Variants in GUCY2D observed in about 807,000 individuals in gnomAD.
GUCY2D encodes the protein retinal guanylyl cyclase 1.
In GUCY2D, 70 loss-of-function variants were observed where a neutral mutation model predicts 101.3. That is an observed-to-expected ratio of 0.69 (90% confidence interval 0.57 to 0.84). The LOEUF is 0.84. Among genes scored for constraint, GUCY2D ranks in the 40% least tolerant of loss-of-function variants. The pLI, the probability that GUCY2D is intolerant of heterozygous loss-of-function variation, is 0.00. For synonymous variants in GUCY2D, 688 were observed against 670.7 expected (o/e 1.03, Z -0.40); for missense variants, 1,460 against 1,542.5 (o/e 0.95, Z 0.90).
intron 8 of GUCY2D, 118 bp downstream of exon 8, chr17:8,009,704 G>T: frequency 1.3e-6 from 1 of 757,158 alleles, no homozygotes; most frequent in South Asian, 1.4e-5. Context: ...GCTGAGTGTG[G>T]TGGCTCATAC....
intron 19 of GUCY2D, among the ~76,000 whole-genome samples, chr17:8,018,094 C>T (rs1976010357): frequency 6.6e-6 from 1 of 152,220 alleles, no homozygotes; most frequent in Non-Finnish European, 1.5e-5. Flanking sequence ...ACATTTGACT[C>T]TTGGTGTCTG....
chr17:8,006,313 T>A, intron 3 of GUCY2D, 50 bp from the exon 4 acceptor site: 1 of 1,410,180 alleles, frequency 7.1e-7, no homozygotes, highest in South Asian at 1.2e-5. Flanking sequence ...GAATCTGGTC[T>A]GTCTGTGGGC....
rs541299023 is a variant in GUCY2D at position 8,013,951 on chromosome 17, G to T, written c.2335G>T (p.Glu779Ter). The T allele has an allele frequency of 1.2e-6, 2 of 1,613,506 alleles. No homozygotes were observed. Among genetic ancestry groups the T allele is most frequent in the Non-Finnish European group, 1.7e-6 (2 of 1,179,648 alleles). Residue 779 changes from glutamate to a stop codon, truncating the protein, a stop_gained, in exon 12 of 20, where the codon GAG becomes TAG. Transcript: ENST00000254854. LOFTEE classifies it high-confidence loss of function. This position sits in a 1 kb window ranked among gnomAD's most constrained non-coding sequence, Gnocchi z 5.0. Reference protein sequence around the residue: ...PLVSMDQAPVECILLMKQCWA... With the variant: ...PLVSMDQAPV ...GGTGTCCATGGACCAGGCACCTGTCGAGTGTATCCTCCTGATGAAGCAGTG... is the reference window on the plus strand; with the variant it reads ...GGTGTCCATGGACCAGGCACCTGTCTAGTGTATCCTCCTGATGAAGCAGTG...
chr17:8,012,667 C>T, intron 10 of GUCY2D, 61 bp downstream of exon 10: 4 of 1,338,164 alleles, frequency 3.0e-6, no homozygotes, highest in South Asian at 1.2e-5. Context: ...AGGGCTTCTC[C>T]CCCGCTTCCT....
intron 8 of GUCY2D, among the ~76,000 whole-genome samples, chr17:8,010,983 G>A (rs1292516416): frequency 6.6e-6 from 1 of 152,102 alleles, no homozygotes; most frequent in African/African-American, 2.4e-5. Flanking sequence ...AACTGAGGGA[G>A]GGTGGGAGTC....
rs138162268 is a variant in GUCY2D at position 8,013,929 on chromosome 17, G to A, written c.2313G>A (p.Val771=). 6.2e-7 allele frequency: 1 copy of A among 1,613,144 alleles called. No individual in the cohort carries two copies. The highest frequency in any genetic ancestry group is 1.3e-5 in the African/African-American group (1 of 75,054). The change falls in exon 12 of 20, where the codon GTG becomes GTA. Residue 771 remains valine, a synonymous_variant. Coordinates refer to ENST00000254854, the MANE Select transcript of GUCY2D (RefSeq NM_000180.4). This position sits in a 1 kb window ranked among gnomAD's most constrained non-coding sequence, Gnocchi z 5.0. The stretch of plus-strand genomic sequence containing the variant: ...CCCCTCCACTGTGTCGGCCCTTGGT[G>A]TCCATGGACCAGGCACCTGTCGAGT... ...RSPPPLCRPL[V]SMDQAPVECI...
At position 8,007,420 on chromosome 17, in the gene GUCY2D, C is replaced by T. The variant is rs865850943; in HGVS notation, c.1464-6C>T. ...CCTTGGTGGAGGTGACCTCTTTCTC[C>T]ACCAGGCACCGGCTACTTCACATGC... is the stretch of plus-strand genomic sequence containing the variant. On this transcript the variant is annotated splice_region_variant and splice_polypyrimidine_tract_variant and intron_variant, in intron 5 of 19. Transcript: ENST00000254854. 8 of 1,598,638 alleles carry T rather than the reference C, an allele frequency of 5.0e-6. No homozygotes were observed. The highest frequency in any genetic ancestry group is 1.7e-4 in the Middle Eastern group (1 of 6,048).
In GUCY2D at chr17:8,014,602, T is replaced by C. The variant is rs1342656044; in HGVS notation, c.2414T>C (p.Phe805Ser). 6.2e-7 allele frequency: 1 copy of C among 1,614,054 alleles called. No homozygotes were observed. The highest frequency in any genetic ancestry group is 8.5e-7 in the Non-Finnish European group (1 of 1,179,986). ...TTACCAGCTTCCTTCTACTGCTAGT[T>C]CAAGAACATCAACAAGGGCCGGAAG... The part of the protein sequence containing the change: ...RPSMDHTFDL[F>S]KNINKGRKTN... Residue 805 changes from phenylalanine to serine, a missense_variant and splice_region_variant, in exon 13 of 20, where the codon TTC (phenylalanine) becomes TCC (serine). Phe to Ser is a radical substitution (Grantham distance 155). Transcript: ENST00000254854. This position sits in a 1 kb window ranked among gnomAD's most constrained non-coding sequence, Gnocchi z 4.0.
rs151052136 is a variant in GUCY2D, at chr17:8,015,450, C to G, written c.2892C>G (p.Arg964=). The G allele has an allele frequency of 3.7e-6, 6 of 1,613,680 alleles. No homozygotes were observed. The highest frequency in any genetic ancestry group is 1.7e-5 in the Admixed American group (1 of 60,010). Residue 964 remains arginine, a synonymous_variant, in exon 15 of 20, where the codon CGC becomes CGG. Transcript: ENST00000254854. ...LDILSAVGTF[R]MRHMPEVPVR... is the part of the protein sequence containing the mutation. ...TCCTCAGTGCCGTGGGCACTTTCCG[C>G]ATGCGCCATATGCCTGAGGTTCCCG...
At position 8,003,363 on chromosome 17, in the gene GUCY2D, C is replaced by G. The variant is rs2151799359; in HGVS notation, c.316C>G (p.Arg106Gly). 1 of 1,466,882 alleles carries G rather than the reference C, an allele frequency of 6.8e-7. No homozygotes were observed. Among genetic ancestry groups the G allele is most frequent in the South Asian group, 1.3e-5 (1 of 76,568 alleles). 90.9% of individuals were successfully genotyped at this position (1,466,882 alleles called of 1,614,324 possible). A position where few individuals can be genotyped will look rare whatever the true frequency, so the allele number is the denominator to read the frequency against. Reference protein sequence around the residue: ...FEVALLPEPCRTPGSLGAVSS... With the variant: ...FEVALLPEPCGTPGSLGAVSS... ...GGTAGCGCTGCTGCCCGAGCCTTGC[C>G]GGACGCCGGGCTCGCTGGGGGCCGT... The change falls in exon 2 of 20, where the codon CGG becomes GGG. Residue 106 changes from arginine to glycine, a missense_variant. Physicochemically the swap from Arg to Gly is moderately radical, Grantham distance 125. This residue lies in a region of GUCY2D where 1,196 missense variants were observed against 1,229.6 expected (regional missense o/e 0.97). Coordinates refer to ENST00000254854, the MANE Select transcript of GUCY2D (RefSeq NM_000180.4).
In GUCY2D at chr17:8,012,211, G is replaced by A. The variant is rs1451847992; in HGVS notation, c.1817G>A (p.Gly606Asp). 1 of 1,614,166 alleles carries A rather than the reference G, an allele frequency of 6.2e-7. No individual in the cohort carries two copies. Residue 606 changes from glycine (G) to aspartate (D), a missense_variant, in exon 9 of 20, where the codon GGC becomes GAC. Gly to Asp is a moderately conservative substitution (Grantham distance 94). Coordinates refer to ENST00000254854, the MANE Select transcript of GUCY2D (RefSeq NM_000180.4). ...LGLFLARGAE[G>D]PAALWEGNLA... Reference sequence around the variant, plus strand: ...CTTTTCCTGGCTCGGGGAGCAGAAGGCCCTGCGGCCCTCTGGGAGGGCAAC... The same window carrying A: ...CTTTTCCTGGCTCGGGGAGCAGAAGACCCTGCGGCCCTCTGGGAGGGCAAC...
chr17:8,002,884 C>T lies in GUCY2D; in HGVS notation c.-10+150C>T, dbSNP rs867074144. Reference sequence around the variant, plus strand: ...CAGAAGGGGGCTTCGGGGCGGTGTCCTTGGCCCCAGTTAGTCTTCCCAGCC... The same window carrying T: ...CAGAAGGGGGCTTCGGGGCGGTGTCTTTGGCCCCAGTTAGTCTTCCCAGCC... On this transcript the variant is annotated intron_variant, in intron 1 of 19. Coordinates refer to ENST00000254854, the MANE Select transcript of GUCY2D (RefSeq NM_000180.4). The surrounding 1 kb of genome is among the most constrained non-coding windows in gnomAD (Gnocchi z 4.9). 6.4e-5 allele frequency: 38 copies of T among 594,638 alleles called. 1 individual carries two copies. The Middle Eastern group carries it at 2.5e-3, about 40-fold the overall frequency. The allele number at this position is 594,638 out of a possible 1,614,324, so 36.8% of individuals were successfully genotyped here.
At position 8,006,663 on chromosome 17, in the gene GUCY2D, C is replaced by T. The variant is rs752037112; in HGVS notation, c.1327C>T (p.Pro443Ser). The part of the protein sequence containing the change: ...RMHFPRGGSA[P>S]GPDPSCWFDP... ...GCACTTCCCGCGTGGGGGATCAGCA[C>T]CCGGACCTGACCCCTCGTGCTGGTT... is the stretch of plus-strand genomic sequence containing the variant. Residue 443 changes from proline to serine, a missense_variant, in exon 4 of 20, where the codon CCC (proline) becomes TCC (serine). Around this residue, in one of 3 missense-constraint regions of GUCY2D, gnomAD observed 1,196 missense variants for 1,229.6 expected, o/e 0.97. Coordinates refer to ENST00000254854, the MANE Select transcript of GUCY2D (RefSeq NM_000180.4). 16 of 1,612,270 alleles carry T rather than the reference C, an allele frequency of 9.9e-6. No homozygotes were observed. The highest frequency in any genetic ancestry group is 1.4e-5 in the Non-Finnish European group (16 of 1,179,334).
Position 8,015,569 on chromosome 17 carries a change from T to C in GUCY2D, c.2944+67T>C, listed in dbSNP as rs535966503. The stretch of plus-strand genomic sequence containing the variant: ...TTAGGGCCTGGCCCCAGATTTCCTG[T>C]AGAGGAGGCAACTCATGGAGCGGGG... On this transcript the variant is annotated intron_variant, in intron 15 of 19. Coordinates refer to ENST00000254854, the MANE Select transcript of GUCY2D (RefSeq NM_000180.4). 7.1e-5 allele frequency: 103 copies of C among 1,443,730 alleles called. No homozygotes were observed. The African/African-American group carries it at 9.6e-4, about 13-fold the overall frequency. The allele number at this position is 1,443,730 out of a possible 1,614,324, so 89.4% of individuals were successfully genotyped here.
At chr17:8,005,968 A>G (rs1179349141) in intron 3 of GUCY2D, among the ~76,000 whole-genome samples, 1 of 152,176 alleles carries the variant, frequency 6.6e-6, no homozygotes, top group Non-Finnish European at 1.5e-5. Context: ...GAAGGCTTTT[A>G]GGTGAATGGT....
chr17:8,011,261 C>T lies in GUCY2D; in HGVS notation c.1750-883C>T, dbSNP rs1233237409. Among the ~76,000 whole-genome samples, 1 of 152,116 alleles carries T rather than the reference C, an allele frequency of 6.6e-6. No homozygotes were observed. Among genetic ancestry groups the T allele is most frequent in the East Asian group, 1.9e-4 (1 of 5,186 alleles). Reference sequence around the variant, plus strand: ...AGGCATGATGGCACACACCTGTAATCCCAGCTATTCGGGAGGCTGAGACGG... The same window carrying T: ...AGGCATGATGGCACACACCTGTAATTCCAGCTATTCGGGAGGCTGAGACGG... On this transcript the variant is annotated intron_variant, in intron 8 of 19. Transcript: ENST00000254854. The surrounding 1 kb of genome is among the most constrained non-coding windows in gnomAD (Gnocchi z 4.3).
rs1299729703 is a variant in GUCY2D, at chr17:8,015,000, C to G, written c.2718C>G (p.Asn906Lys). 3 of 1,614,084 alleles carry G rather than the reference C, an allele frequency of 1.9e-6. No homozygotes were observed. Among genetic ancestry groups the G allele is most frequent in the Non-Finnish European group, 2.5e-6 (3 of 1,179,974 alleles). Reference sequence around the variant, plus strand: ...CCATTGAGGTTGTGGACCTGCTCAACGATCTCTACACACTCTTTGATGCCA... The same window carrying G: ...CCATTGAGGTTGTGGACCTGCTCAAGGATCTCTACACACTCTTTGATGCCA... The part of the protein sequence containing the change: ...SEPIEVVDLL[N>K]DLYTLFDAII... The change falls in exon 14 of 20, where the codon AAC becomes AAG. Residue 906 changes from asparagine to lysine, a missense_variant. By Grantham distance (94) the Asn-to-Lys change is moderately conservative. This residue lies in a region of GUCY2D where 49 missense variants were observed against 85.0 expected (regional missense o/e 0.58). Transcript: ENST00000254854. The surrounding 1 kb of genome is among the most constrained non-coding windows in gnomAD (Gnocchi z 4.0).
chr17:8,009,547 C>G lies in GUCY2D; in HGVS notation c.1710C>G (p.His570Gln). 6.8e-6 allele frequency: 11 copies of G among 1,613,844 alleles called. No homozygotes were observed. The highest frequency in any genetic ancestry group is 9.3e-6 in the Non-Finnish European group (11 of 1,179,718). ...VWLKKFPGDQ[H>Q]IAIRPATKTA... ...TGAAGAAATTCCCAGGGGATCAGCA[C>G]ATAGCTATCCGCCCAGCAACCAAGA... The change falls in exon 8 of 20, where the codon CAC becomes CAG. Residue 570 changes from histidine to glutamine, a missense_variant. His to Gln is a conservative substitution (Grantham distance 24). Coordinates refer to ENST00000254854, the MANE Select transcript of GUCY2D (RefSeq NM_000180.4).
In GUCY2D at chr17:8,013,015, G is replaced by A. The variant is rs1348089069; in HGVS notation, c.2114-88G>A. The A allele has an allele frequency of 2.9e-5, 36 of 1,234,380 alleles. No homozygotes were observed. Among genetic ancestry groups the A allele is most frequent in the Non-Finnish European group, 4.0e-5 (34 of 859,888 alleles). 76.5% of individuals were successfully genotyped at this position (1,234,380 alleles called of 1,614,324 possible). A position where few individuals can be genotyped will look rare whatever the true frequency, so the allele number is the denominator to read the frequency against. On this transcript the variant is annotated intron_variant, in intron 10 of 19. Transcript: ENST00000254854. This position sits in a 1 kb window ranked among gnomAD's most constrained non-coding sequence, Gnocchi z 5.0. ...TCTCAGACCGGTCTCAGGCTGCAGG[G>A]TTGGTGGTGTCTGGGTGCCAACCTG...
Sources: gnomAD v4.1 joint callset for allele counts (sites outside exome capture counted in the v4.1 genomes callset) on GRCh38, gnomAD v4.1.1 for gene constraint, gnomAD v4.1.1 regional missense constraint, Gnocchi (gnomAD v3.1) non-coding constraint, MANE v1.5 for transcripts, NCBI Gene and HGNC (gene_info 2026-07-23, HGNC 2026-07-21) for gene names.